Variants in SHBG observed in about 807,000 individuals in gnomAD.
SHBG encodes sex hormone-binding globulin.
In SHBG, 37 loss-of-function variants were observed where a neutral mutation model predicts 41.9. That is an observed-to-expected ratio of 0.88 (90% CI 0.68 to 1.16). The LOEUF (loss-of-function observed/expected upper bound fraction) is 1.16, where lower values mean the gene tolerates loss of function less well. Among genes scored for constraint, SHBG ranks in the 50% most tolerant of loss-of-function variants. The pLI, the probability that SHBG is intolerant of heterozygous loss-of-function variation, is 0.00. For missense variants in SHBG, 466 were observed against 499.9 expected, an observed-to-expected ratio of 0.93 and a Z score of 0.65; for synonymous variants, 217 against 205.8, an observed-to-expected ratio of 1.05 and a Z score of -0.47.
chr17:7,626,729 T>A, upstream of SHBG: 1 of 1,614,086 alleles, frequency 6.2e-7, no homozygotes, highest in South Asian at 1.1e-5. Context: ...AGGTCCTCAC[T>A]TGTCGCCCCA....
At chr17:7,625,600 A>T (rs1402235718), upstream of SHBG, among the ~76,000 whole-genome samples, 1 of 150,976 alleles carries the variant, frequency 6.6e-6, no homozygotes, top group African/African-American at 2.4e-5. Context: ...AGAAAAAGAA[A>T]AGACTGTGGG....
upstream of SHBG, chr17:7,627,854 A>G (rs1197319252): frequency 4.6e-6 from 3 of 656,252 alleles, no homozygotes; most frequent in East Asian, 8.3e-5. This position sits in a 1 kb window ranked among gnomAD's most constrained non-coding sequence, Gnocchi z 4.8. Context: ...CTGTCCGGGC[A>G]TAGCCCCACC....
chr17:7,623,217 C>T (rs1046177725), upstream of SHBG, among the ~76,000 whole-genome samples: 5 of 152,014 alleles, frequency 3.3e-5, no homozygotes, highest in Admixed American at 2.6e-4. Flanking sequence ...CATGGAGAAA[C>T]CTCATCTCTA....
intron 6 of SHBG, 52 bp downstream of exon 6, chr17:7,632,067 G>A (rs1235820076): frequency 6.3e-7 from 1 of 1,580,714 alleles, no homozygotes. Flanking sequence ...CTGGAGCAAT[G>A]AGGGAAGAGG....
chr17:7,630,277 C>T lies in SHBG; in HGVS notation c.105C>T (p.Pro35=). 6.2e-7 allele frequency: 1 copy of T among 1,607,764 alleles called. No individual in the cohort carries two copies. The highest frequency in any genetic ancestry group is 8.5e-7 in the Non-Finnish European group (1 of 1,176,866). The change falls in exon 1 of 8, where the codon CCC becomes CCT. Residue 35 remains proline (P), a synonymous_variant. Coordinates refer to ENST00000380450, the MANE Select transcript of SHBG (RefSeq NM_001040.5). This position sits in a 1 kb window ranked among gnomAD's most constrained non-coding sequence, Gnocchi z 4.6. The part of the protein sequence containing the change: ...RQGWALRPVL[P]TQSAHDPPAV... ...GATGGGCCCTGAGACCTGTTCTCCCCACCCAGGTGCAGGAGCGGGACAGGG... is the reference window on the plus strand; with the variant it reads ...GATGGGCCCTGAGACCTGTTCTCCCTACCCAGGTGCAGGAGCGGGACAGGG...
chr17:7,624,055 G>C (rs1446941550), upstream of SHBG, among the ~76,000 whole-genome samples: 1 of 152,128 alleles, frequency 6.6e-6, no homozygotes, highest in Non-Finnish European at 1.5e-5. Context: ...AGGTTCAAGT[G>C]ATTCTCCTGC....
chr17:7,621,601 TAAAAAAA>T (rs747951932), intron 1 of SHBG, among the ~76,000 whole-genome samples: 1 of 46,946 alleles, frequency 2.1e-5, no homozygotes, highest in Non-Finnish European at 3.8e-5. Context: ...AGTCTCCGTC[TAAAAAAA>T]AAAAAAAAAA....
upstream of SHBG, among the ~76,000 whole-genome samples, chr17:7,629,406 T>TAAAAG (rs1159864975): frequency 2.4e-4 from 37 of 151,750 alleles, no homozygotes; most frequent in East Asian, 7.0e-3. Context: ...TAAAATAAAA[T>TAAAAG]AAAATAAAAT....
At chr17:7,616,640 A>AAAT (rs1047730937) in intron 1 of SHBG, among the ~76,000 whole-genome samples, 3 of 140,380 alleles carry the variant, frequency 2.1e-5, no homozygotes, top group African/African-American at 5.4e-5. Context: ...CAACAACAAC[A>AAAT]AATAATAATA....
rs1296532906 is a variant in SHBG at position 7,630,192 on chromosome 17, T to C, written c.20T>C (p.Leu7Pro). MESRGPLATSRLLLLLL... is the reference protein window; with the variant it reads MESRGPPATSRLLLLLL... ...CTGATTATGGAGAGCAGAGGCCCACTGGCTACCTCGCGCCTGCTGCTGTTG... is the reference window on the plus strand; with the variant it reads ...CTGATTATGGAGAGCAGAGGCCCACCGGCTACCTCGCGCCTGCTGCTGTTG... Residue 7 changes from leucine to proline, a missense_variant, in exon 1 of 8, where the codon CTG becomes CCG. By Grantham distance (98) the Leu-to-Pro change is moderately conservative (BLOSUM62 -3). Coordinates refer to ENST00000380450, the MANE Select transcript of SHBG (RefSeq NM_001040.5). This position sits in a 1 kb window ranked among gnomAD's most constrained non-coding sequence, Gnocchi z 4.6. The C allele has an allele frequency of 2.5e-6, 4 of 1,613,870 alleles. No homozygotes were observed. Among genetic ancestry groups the C allele is most frequent in the Non-Finnish European group, 3.4e-6 (4 of 1,179,908 alleles).
chr17:7,614,509 C>G, intron 1 of SHBG: 1 of 1,525,066 alleles, frequency 6.6e-7, no homozygotes, highest in South Asian at 1.2e-5. Context: ...GCTCCACATC[C>G]CCCCCAGAGG....
At chr17:7,627,993 C>G (rs900482755), upstream of SHBG, 2 of 502,078 alleles carry the variant, frequency 4.0e-6, no homozygotes, top group Non-Finnish European at 7.7e-6. This position sits in a 1 kb window ranked among gnomAD's most constrained non-coding sequence, Gnocchi z 4.8. Flanking sequence ...GGGTAGAGTT[C>G]AAGGTTGGAG....
At chr17:7,625,698 C>A (rs1222098951), upstream of SHBG, among the ~76,000 whole-genome samples, 1 of 151,908 alleles carries the variant, frequency 6.6e-6, no homozygotes, top group Non-Finnish European at 1.5e-5. Flanking sequence ...TGAGACCAGC[C>A]TGGCCAACAA....
At chr17:7,627,751 T>C (rs1418143294), upstream of SHBG, 2 of 1,113,066 alleles carry the variant, frequency 1.8e-6, no homozygotes, top group Non-Finnish European at 1.3e-6. The surrounding 1 kb of genome is among the most constrained non-coding windows in gnomAD (Gnocchi z 4.8). Context: ...GTGGCGGGAG[T>C]CGGGGGGGAC....
upstream of SHBG, chr17:7,626,488 A>C (rs1238767134): frequency 3.7e-6 from 6 of 1,613,914 alleles, no homozygotes; most frequent in East Asian, 1.3e-4. Context: ...CCTTGAAAGC[A>C]GAAGAAGTGC....
upstream of SHBG, chr17:7,626,363 A>G (rs1352112509): frequency 6.7e-7 from 1 of 1,486,746 alleles, no homozygotes; most frequent in Middle Eastern, 1.9e-4. Context: ...CCTCAGCATC[A>G]GTGTCTGTGG....
At chr17:7,618,652 T>G (rs559222104) in intron 1 of SHBG, among the ~76,000 whole-genome samples, 1 of 152,152 alleles carries the variant, frequency 6.6e-6, no homozygotes, top group African/African-American at 2.4e-5. Context: ...TTTTCAGGCT[T>G]TTAAGTTCCC....
upstream of SHBG, among the ~76,000 whole-genome samples, chr17:7,628,692 C>T (rs778912584): frequency 5.3e-5 from 8 of 151,922 alleles, no homozygotes; most frequent in African/African-American, 9.7e-5. Flanking sequence ...GTGATCTGCC[C>T]GCCTCAGCCT....
upstream of SHBG, chr17:7,627,662 G>A: frequency 1.2e-6 from 2 of 1,613,950 alleles, no homozygotes; most frequent in Non-Finnish European, 1.7e-6. This position sits in a 1 kb window ranked among gnomAD's most constrained non-coding sequence, Gnocchi z 4.8. Flanking sequence ...TGGGACCAAA[G>A]TCCCAGGGCC....
Sources: allele counts gnomAD v4.1 joint callset (sites outside exome capture counted in the v4.1 genomes callset), GRCh38; gene constraint gnomAD v4.1.1; non-coding constraint Gnocchi (gnomAD v3.1); transcripts MANE v1.5; gene names NCBI Gene and HGNC (gene_info 2026-07-23, HGNC 2026-07-21).